Variants in NKAIN2 observed in about 807,000 individuals in gnomAD.
The protein encoded by NKAIN2 is sodium/potassium transporting ATPase interacting 2, also known as sodium/potassium-transporting ATPase subunit beta-1-interacting protein 2.
Under a neutral mutation model 32.6 loss-of-function variants are expected in NKAIN2, and 14 were observed. That is an observed-to-expected ratio of 0.43 (90% CI 0.28 to 0.67). The LOEUF is 0.67. NKAIN2 is among the 30% of genes least tolerant of loss of function. The pLI, the probability that NKAIN2 is intolerant of heterozygous loss-of-function variation, is 0.17. For missense variants in NKAIN2, 198 were observed against 258.3 expected, an observed-to-expected ratio of 0.77 and a Z score of 1.60; for synonymous variants, 80 against 87.2, an observed-to-expected ratio of 0.92 and a Z score of 0.46.
intron 4 of NKAIN2, among the ~76,000 whole-genome samples, chr6:124,732,080 C>T (rs1454236622): frequency 6.6e-6 from 1 of 151,916 alleles, no homozygotes; most frequent in Admixed American, 6.6e-5. Context: ...ACCTTACCTC[C>T]ATTTATTAAA....
intron 3 of NKAIN2, among the ~76,000 whole-genome samples, chr6:124,506,545 A>G (rs1280722465): frequency 6.6e-6 from 1 of 152,216 alleles, no homozygotes; most frequent in Non-Finnish European, 1.5e-5. Flanking sequence ...TCTCCCAGAC[A>G]GTAGAATTTA....
chr6:124,425,947 A>C (rs920638372), intron 3 of NKAIN2, among the ~76,000 whole-genome samples: 1 of 152,170 alleles, frequency 6.6e-6, no homozygotes, highest in African/African-American at 2.4e-5. Flanking sequence ...TCGTTTAACA[A>C]GACAAATTGC....
Position 124,051,162 on chromosome 6 carries a change from A to G in NKAIN2, c.55-231843A>G, listed in dbSNP as rs142529947. On this transcript the variant is annotated intron_variant, in intron 1 of 6. Transcript: ENST00000368417. ...TTTGAACAGACAATATTTTAATGAT[A>G]GTCATGGTGAACTTTATAGACATTT... Among the ~76,000 whole-genome samples the G allele has an allele frequency of 1.5e-4, 23 of 152,204 alleles. No homozygotes were observed. The East Asian group carries it at 4.5e-3, about 30-fold the overall frequency.
chr6:124,601,448 C>T (rs1175957687), intron 3 of NKAIN2, among the ~76,000 whole-genome samples: 4 of 151,990 alleles, frequency 2.6e-5, no homozygotes, highest in Non-Finnish European at 4.4e-5. Flanking sequence ...ATGTTTTTAT[C>T]TTAATACTCT....
chr6:124,316,048 T>G (rs1175991688), intron 2 of NKAIN2, among the ~76,000 whole-genome samples: 1 of 152,044 alleles, frequency 6.6e-6, no homozygotes, highest in East Asian at 1.9e-4. Flanking sequence ...TAAGGAGGAA[T>G]AACATCTAGT....
chr6:124,722,912 T>C (rs1281878633), intron 4 of NKAIN2, among the ~76,000 whole-genome samples: 1 of 152,204 alleles, frequency 6.6e-6, no homozygotes, highest in Non-Finnish European at 1.5e-5. Context: ...TCTACTATTT[T>C]AGAGTCTTTC....
intron 3 of NKAIN2, among the ~76,000 whole-genome samples, chr6:124,361,161 TTAATC>T (rs1334139946): frequency 6.6e-6 from 1 of 152,112 alleles, no homozygotes; most frequent in Non-Finnish European, 1.5e-5. Context: ...AATATGGTGA[TTAATC>T]TATTCATTTC....
At chr6:123,873,513 C>T (rs2114294264) in intron 1 of NKAIN2, among the ~76,000 whole-genome samples, 1 of 152,178 alleles carries the variant, frequency 6.6e-6, no homozygotes, top group South Asian at 2.1e-4. Context: ...CTGACGTGAT[C>T]TTTATATTTT....
At chr6:124,731,628 G>T in intron 4 of NKAIN2, among the ~76,000 whole-genome samples, 4 of 150,728 alleles carry the variant, frequency 2.7e-5, no homozygotes, top group Non-Finnish European at 1.5e-5. Context: ...GTTAGTGGGT[G>T]CAGTGCACCA....
intron 1 of NKAIN2, among the ~76,000 whole-genome samples, chr6:123,859,390 G>A (rs1337845752): frequency 6.6e-6 from 1 of 152,066 alleles, no homozygotes; most frequent in Non-Finnish European, 1.5e-5. Context: ...ATTGCAATGA[G>A]ACCATTGGAG....
intron 3 of NKAIN2, among the ~76,000 whole-genome samples, chr6:124,625,257 CA>C (rs200650915): frequency 1.3e-5 from 2 of 151,400 alleles, no homozygotes; most frequent in South Asian, 2.1e-4. Context: ...ATTTTCTCTA[CA>C]AAAAAAACAA....
At chr6:124,030,947 T>C (rs1781375418) in intron 1 of NKAIN2, among the ~76,000 whole-genome samples, 1 of 152,166 alleles carries the variant, frequency 6.6e-6, no homozygotes, top group South Asian at 2.1e-4. Flanking sequence ...GGTTCTCTTG[T>C]GTGTGTGGAT....
chr6:124,110,703 G>A (rs146829199), intron 1 of NKAIN2, among the ~76,000 whole-genome samples: 42 of 152,078 alleles, frequency 2.8e-4, no homozygotes, highest in African/African-American at 6.7e-4. Flanking sequence ...ATCTGCATCC[G>A]TGTTGCTGCA....
At chr6:124,043,069 G>A (rs1302876775) in intron 1 of NKAIN2, among the ~76,000 whole-genome samples, 1 of 152,028 alleles carries the variant, frequency 6.6e-6, no homozygotes, top group African/African-American at 2.4e-5. Context: ...ATGTTAGGCA[G>A]ATTTCTCAGG....
intron 1 of NKAIN2, among the ~76,000 whole-genome samples, chr6:123,998,533 C>A (rs1193129200): frequency 1.3e-5 from 2 of 151,902 alleles, no homozygotes; most frequent in Non-Finnish European, 2.9e-5. Flanking sequence ...AAATTTGGGG[C>A]AAATCTGGAT....
chr6:123,986,614 G>T (rs925286248), intron 1 of NKAIN2, among the ~76,000 whole-genome samples: 3 of 152,014 alleles, frequency 2.0e-5, no homozygotes, highest in African/African-American at 7.2e-5. Flanking sequence ...AAAAATTTAT[G>T]CTCAGGCCCC....
intron 1 of NKAIN2, among the ~76,000 whole-genome samples, chr6:124,038,366 C>G (rs1283637214): frequency 6.6e-6 from 1 of 151,984 alleles, no homozygotes; most frequent in East Asian, 1.9e-4. Flanking sequence ...AGACACCCAC[C>G]ACCAGGCCCG....
At chr6:124,732,299 A>C (rs1409667546) in intron 4 of NKAIN2, among the ~76,000 whole-genome samples, 2 of 152,074 alleles carry the variant, frequency 1.3e-5, no homozygotes, top group African/African-American at 4.8e-5. Flanking sequence ...GCCATAGAGA[A>C]GAGTAAGGAA....
chr6:124,381,345 A>C (rs1477139125), intron 3 of NKAIN2, among the ~76,000 whole-genome samples: 1 of 152,220 alleles, frequency 6.6e-6, no homozygotes, highest in Non-Finnish European at 1.5e-5. Flanking sequence ...ATTCATAGCT[A>C]TCACAGAAGT....
Sources: allele counts gnomAD v4.1 joint callset (sites outside exome capture counted in the v4.1 genomes callset), GRCh38; gene constraint gnomAD v4.1.1; transcripts MANE v1.5; gene names NCBI Gene and HGNC (gene_info 2026-07-23, HGNC 2026-07-21).